Variants in RAB11FIP4 observed in about 807,000 individuals in gnomAD.
RAB11FIP4 encodes the protein rab11 family-interacting protein 4.
RAB11FIP4 carries 23 observed loss-of-function variants against 74.3 expected under a neutral mutation model. The observed-to-expected ratio is 0.31, with a 90% CI of 0.22 to 0.44. The LOEUF (loss-of-function observed/expected upper bound fraction) is 0.44, where lower values mean the gene tolerates loss of function less well. Ranked by LOEUF, RAB11FIP4 falls within the 20% of genes least tolerant of loss-of-function variation. RAB11FIP4 has a pLI of 1.00. For missense variants in RAB11FIP4, 630 were observed against 863.9 expected (o/e 0.73, Z 3.39); for synonymous variants, 360 against 359.9 (o/e 1.00, Z 0.00).
intron 3 of RAB11FIP4, among the ~76,000 whole-genome samples, chr17:31,443,913 T>G (rs2142689991): frequency 6.6e-6 from 1 of 152,352 alleles, no homozygotes; most frequent in Admixed American, 6.5e-5. Context: ...AGACCCTATC[T>G]AAAAAAGAAA....
intron 1 of RAB11FIP4, among the ~76,000 whole-genome samples, chr17:31,406,328 C>T (rs980935029): frequency 6.6e-6 from 1 of 152,236 alleles, no homozygotes; most frequent in East Asian, 1.9e-4. Flanking sequence ...GGGCATCTCA[C>T]AACCCCTGAC....
chr17:31,424,646 G>T (rs2071230845), intron 1 of RAB11FIP4, among the ~76,000 whole-genome samples: 1 of 149,256 alleles, frequency 6.7e-6, no homozygotes, highest in Non-Finnish European at 1.5e-5. Flanking sequence ...CACGATCTCG[G>T]CTCACTGCAA....
chr17:31,486,964 G>A (rs1052599887), intron 3 of RAB11FIP4, among the ~76,000 whole-genome samples: 1 of 152,212 alleles, frequency 6.6e-6, no homozygotes, highest in Non-Finnish European at 1.5e-5. Flanking sequence ...TGGTGCGTGT[G>A]TGCATGTGTG....
intron 3 of RAB11FIP4, among the ~76,000 whole-genome samples, chr17:31,447,128 C>CA (rs1212077859): frequency 1.3e-5 from 2 of 152,128 alleles, no homozygotes; most frequent in Admixed American, 6.5e-5. Flanking sequence ...ACTAAAAATA[C>CA]AAAAAATTAG....
intron 3 of RAB11FIP4, among the ~76,000 whole-genome samples, chr17:31,482,120 C>A (rs1018053502): frequency 3.9e-5 from 6 of 152,130 alleles, no homozygotes; most frequent in African/African-American, 1.4e-4. Flanking sequence ...GAGTCTGAGG[C>A]CCAAAAAGTT....
Position 31,530,478 on chromosome 17 carries a change from A to G in RAB11FIP4, c.1797+9A>G. 1 of 1,607,118 alleles carries G rather than the reference A, an allele frequency of 6.2e-7. No homozygotes were observed. The highest frequency in any genetic ancestry group is 8.5e-7 in the Non-Finnish European group (1 of 1,174,630). On this transcript the variant is annotated intron_variant, in intron 14 of 14. Coordinates refer to ENST00000621161, the MANE Select transcript of RAB11FIP4 (RefSeq NM_032932.6). The stretch of plus-strand genomic sequence containing the variant: ...CCGCCTCGCGCGATGAGGTAACCAC[A>G]CCACCGGCTCTTGCTTTGGGGCCTG...
chr17:31,502,614 C>G (rs1196838999), intron 3 of RAB11FIP4, among the ~76,000 whole-genome samples: 1 of 152,032 alleles, frequency 6.6e-6, no homozygotes, highest in African/African-American at 2.4e-5. Flanking sequence ...TTGAATTGAC[C>G]TTTAAAAAGT....
intron 3 of RAB11FIP4, among the ~76,000 whole-genome samples, chr17:31,500,821 G>A (rs1010710952): frequency 6.6e-6 from 1 of 152,068 alleles, no homozygotes; most frequent in South Asian, 2.1e-4. Flanking sequence ...TCAAGAGATC[G>A]AGACCATCCT....
chr17:31,438,651 C>G (rs928539218), intron 3 of RAB11FIP4, among the ~76,000 whole-genome samples: 7 of 152,138 alleles, frequency 4.6e-5, no homozygotes, highest in Admixed American at 3.3e-4. Flanking sequence ...ACCCACTACT[C>G]TAGCCTCATC....
chr17:31,402,827 G>T lies in RAB11FIP4; in HGVS notation c.159+10816G>T, dbSNP rs564521283. On this transcript the variant is annotated intron_variant, in intron 1 of 14. Coordinates refer to ENST00000621161, the MANE Select transcript of RAB11FIP4 (RefSeq NM_032932.6). ...TTTTTAGTAGAGACGGGGTTTCACC[G>T]TGTTAGCCAGGATGGTCTCGATCTC... Among the ~76,000 whole-genome samples, 511 of 151,178 alleles carry T rather than the reference G, an allele frequency of 3.4e-3. 10 individuals are homozygous for T. The highest frequency in any genetic ancestry group is 0.028 in the Admixed American group (427 of 15,200).
At chr17:31,485,378 C>T (rs1277818284) in intron 3 of RAB11FIP4, among the ~76,000 whole-genome samples, 2 of 152,198 alleles carry the variant, frequency 1.3e-5, no homozygotes, top group Non-Finnish European at 2.9e-5. Flanking sequence ...AAATGTCGCT[C>T]AGGCTGCCCA....
intron 3 of RAB11FIP4, among the ~76,000 whole-genome samples, chr17:31,496,537 C>A (rs748370465): frequency 1.3e-5 from 2 of 152,226 alleles, no homozygotes; most frequent in African/African-American, 2.4e-5. Context: ...CTTCTTCCCT[C>A]GTCCTTCTCC....
intron 5 of RAB11FIP4, 70 bp from the exon 6 acceptor site, chr17:31,521,845 T>C: frequency 6.3e-7 from 1 of 1,590,720 alleles, no homozygotes. Context: ...TAAAGTCAGC[T>C]CAGCAGGGTG....
chr17:31,438,768 G>A (rs1012801921), intron 3 of RAB11FIP4, among the ~76,000 whole-genome samples: 1 of 152,096 alleles, frequency 6.6e-6, no homozygotes, highest in Non-Finnish European at 1.5e-5. Flanking sequence ...TTTCTCCTAG[G>A]ATGTCCTCCC....
intron 3 of RAB11FIP4, among the ~76,000 whole-genome samples, chr17:31,457,184 T>A (rs1483917094): frequency 6.6e-6 from 1 of 152,080 alleles, no homozygotes; most frequent in Non-Finnish European, 1.5e-5. Flanking sequence ...AGGTAGAGAA[T>A]GGGAATTTGG....
chr17:31,436,519 C>T (rs1215379486), intron 3 of RAB11FIP4, among the ~76,000 whole-genome samples: 1 of 152,130 alleles, frequency 6.6e-6, no homozygotes, highest in Non-Finnish European at 1.5e-5. Context: ...GCCATTCACA[C>T]CTCTGGAAAA....
intron 3 of RAB11FIP4, among the ~76,000 whole-genome samples, chr17:31,456,818 G>T (rs912256718): frequency 3.3e-5 from 5 of 152,162 alleles, no homozygotes; most frequent in African/African-American, 1.2e-4. Context: ...ATTTACTAAG[G>T]AGAGACTTAT....
At chr17:31,466,106 T>C (rs989502451) in intron 3 of RAB11FIP4, among the ~76,000 whole-genome samples, 1 of 152,112 alleles carries the variant, frequency 6.6e-6, no homozygotes, top group African/African-American at 2.4e-5. Flanking sequence ...ATCACGCCAC[T>C]GCACTCCAGC....
At chr17:31,424,815 G>A (rs1220044860) in intron 1 of RAB11FIP4, among the ~76,000 whole-genome samples, 3 of 152,110 alleles carry the variant, frequency 2.0e-5, no homozygotes, top group Non-Finnish European at 2.9e-5. Context: ...GACCTCAGGT[G>A]ATTCACCCAT....
Sources: gnomAD v4.1 joint callset for allele counts (sites outside exome capture counted in the v4.1 genomes callset) on GRCh38, gnomAD v4.1.1 for gene constraint, MANE v1.5 for transcripts, NCBI Gene and HGNC (gene_info 2026-07-23, HGNC 2026-07-21) for gene names.